Variants in FAM20A observed in about 807,000 individuals in gnomAD.
The protein encoded by FAM20A is pseudokinase FAM20A.
FAM20A carries 42 observed loss-of-function variants against 52.0 expected under a neutral mutation model. That is an observed-to-expected ratio of 0.81 (90% CI 0.63 to 1.04). FAM20A has a LOEUF of 1.04. Ranked by LOEUF, FAM20A falls within the 50% of genes least tolerant of loss-of-function variation. The pLI is 0.00. For synonymous variants in FAM20A, 304 were observed against 298.9 expected, an observed-to-expected ratio of 1.02 and a Z score of -0.18; for missense variants, 742 against 712.7, an observed-to-expected ratio of 1.04 and a Z score of -0.47.
intron 1 of FAM20A, among the ~76,000 whole-genome samples, chr17:68,563,240 G>A (rs1428716410): frequency 1.3e-5 from 2 of 152,052 alleles, no homozygotes; most frequent in Admixed American, 1.3e-4. Context: ...ACAAAAATTA[G>A]CCGGGTGTGG....
intron 1 of FAM20A, among the ~76,000 whole-genome samples, chr17:68,581,452 TC>T (rs2087985715): frequency 4.4e-5 from 3 of 68,476 alleles, no homozygotes; most frequent in African/African-American, 2.1e-4. Context: ...TTTTTTCTTT[TC>T]TTTCTTTCCT....
intron 1 of FAM20A, chr17:68,558,421 G>T (rs182821135): frequency 4.1e-5 from 16 of 394,640 alleles, no homozygotes. Flanking sequence ...GGAGGTAATT[G>T]TAACATAGGG....
intron 1 of FAM20A, among the ~76,000 whole-genome samples, chr17:68,572,648 A>G (rs1367835420): frequency 2.6e-5 from 4 of 152,194 alleles, no homozygotes; most frequent in African/African-American, 9.7e-5. Flanking sequence ...CCCAAAATGC[A>G]TCTTCAGCAG....
intron 1 of FAM20A, among the ~76,000 whole-genome samples, chr17:68,594,073 GTTA>G (rs1382850884): frequency 6.6e-6 from 1 of 152,122 alleles, no homozygotes; most frequent in East Asian, 1.9e-4. Flanking sequence ...CTTTGGGCAG[GTTA>G]TATAACTTTC....
intron 1 of FAM20A, among the ~76,000 whole-genome samples, chr17:68,592,720 A>G (rs148000999): frequency 1.3e-5 from 2 of 152,256 alleles, no homozygotes; most frequent in South Asian, 2.1e-4. Context: ...CTGTGCCAAC[A>G]CTTCTTAAAT....
chr17:68,569,782 C>T (rs961733859), intron 1 of FAM20A, among the ~76,000 whole-genome samples: 1 of 152,216 alleles, frequency 6.6e-6, no homozygotes, highest in Non-Finnish European at 1.5e-5. Context: ...GTGCTTGGAA[C>T]AGCCATATCC....
chr17:68,600,378 C>T lies in FAM20A; in HGVS notation c.289G>A (p.Ala97Thr), dbSNP rs1376602677. The T allele has an allele frequency of 6.2e-7, 1 of 1,606,328 alleles. No homozygotes were observed. The highest frequency in any genetic ancestry group is 8.5e-7 in the Non-Finnish European group (1 of 1,177,390). ...TCCGGGACGTTGTACAGCGGGTGGG[C>T]GAAGAGGGCCTGCAACTTGGAGCTC... is the stretch of plus-strand genomic sequence containing the variant. ...GSSSKLQALF[A>T]HPLYNVPEEP... The change falls in exon 1 of 11, where the codon GCC (alanine) becomes ACC (threonine). Residue 97 changes from alanine to threonine, a missense_variant. Transcript: ENST00000592554. This position sits in a 1 kb window ranked among gnomAD's most constrained non-coding sequence, Gnocchi z 6.2.
chr17:68,600,446 GT>G lies in FAM20A; in HGVS notation c.220del (p.Thr74ProfsTer71). On this transcript the variant is annotated frameshift_variant, in exon 1 of 11. Coordinates refer to ENST00000592554, the MANE Select transcript of FAM20A (RefSeq NM_017565.4). LOFTEE classifies it high-confidence loss of function. The surrounding 1 kb of genome is among the most constrained non-coding windows in gnomAD (Gnocchi z 6.2). ...PGTIVHNFSR[T>X]EPRTEPAGGS... ...GCCAGCCGGTTCAGTCCGGGGCTCG[GT>G]TCGGGAAAAGTTGTGCACGATCGTG... is the stretch of plus-strand genomic sequence containing the variant. 1 of 1,611,204 alleles carries G rather than the reference GT, an allele frequency of 6.2e-7. No individual in the cohort carries two copies. The highest frequency in any genetic ancestry group is 8.5e-7 in the Non-Finnish European group (1 of 1,178,966).
intron 6 of FAM20A, among the ~76,000 whole-genome samples, 175 bp downstream of exon 6, chr17:68,542,519 T>A (rs1412369584): frequency 1.3e-5 from 2 of 152,074 alleles, no homozygotes; most frequent in Non-Finnish European, 2.9e-5. Flanking sequence ...CCCATCCAGT[T>A]CATCTTGTGT....
Position 68,578,429 on chromosome 17 carries a change from G to C in FAM20A, c.404+21834C>G, listed in dbSNP as rs79665383. Among the ~76,000 whole-genome samples, 1,412 of 152,278 alleles carry C rather than the reference G, an allele frequency of 9.3e-3. 103 individuals are homozygous for C. The South Asian group carries it at 0.15, about 16-fold the overall frequency. ...CTGTGAGCTAGTGCTAATTTGCGTG[G>C]TATTATTTTTCCACCTGATTTGCAA... is the stretch of plus-strand genomic sequence containing the variant. On this transcript the variant is annotated intron_variant, in intron 1 of 10. Coordinates refer to ENST00000592554, the MANE Select transcript of FAM20A (RefSeq NM_017565.4).
chr17:68,581,354 C>CTT (rs1478637489), intron 1 of FAM20A, among the ~76,000 whole-genome samples: 1 of 85,440 alleles, frequency 1.2e-5, no homozygotes. Context: ...TGCAGTTTTT[C>CTT]TTTCTTTCTT....
At chr17:68,583,825 C>T (rs2088086526) in intron 1 of FAM20A, among the ~76,000 whole-genome samples, 1 of 150,282 alleles carries the variant, frequency 6.7e-6, no homozygotes. Context: ...ATGGCGTGAA[C>T]CAGGAGGTGG....
rs2086068920 is a variant in FAM20A at position 68,535,298 on chromosome 17, C to G, written c.*2179G>C. ...TAAGTGAATAATAAGGTAGGTGTAC[C>G]ACATATCATGGTGAAATTCAAGCCT... On this transcript the variant is annotated 3_prime_UTR_variant, in exon 11 of 11. Coordinates refer to ENST00000592554, the MANE Select transcript of FAM20A (RefSeq NM_017565.4). 1 of 453,968 alleles carries G rather than the reference C, an allele frequency of 2.2e-6. No individual in the cohort carries two copies. Among genetic ancestry groups the G allele is most frequent in the South Asian group, 1.6e-5 (1 of 64,478 alleles). 28.1% of individuals were successfully genotyped at this position (453,968 alleles called of 1,614,324 possible). A position where few individuals can be genotyped will look rare whatever the true frequency, so the allele number is the denominator to read the frequency against.
intron 1 of FAM20A, among the ~76,000 whole-genome samples, chr17:68,598,484 A>T (rs1309877028): frequency 1.3e-5 from 2 of 152,156 alleles, no homozygotes. Flanking sequence ...TACTTGGGAA[A>T]ATGTCACATT....
intron 1 of FAM20A, among the ~76,000 whole-genome samples, chr17:68,585,660 G>A (rs1238910563): frequency 2.0e-5 from 3 of 152,172 alleles, no homozygotes; most frequent in African/African-American, 7.2e-5. Flanking sequence ...ATGGAGGGCT[G>A]CCCAAAGAAT....
Position 68,600,474 on chromosome 17 carries a change from C to G in FAM20A, c.193G>C (p.Gly65Arg). Residue 65 changes from glycine (G) to arginine (R), a missense_variant, in exon 1 of 11, where the codon GGC becomes CGC. Coordinates refer to ENST00000592554, the MANE Select transcript of FAM20A (RefSeq NM_017565.4). The surrounding 1 kb of genome is among the most constrained non-coding windows in gnomAD (Gnocchi z 6.2). ...RDSAAAASDP[G>R]TIVHNFSRTE... ...CGGGAAAAGTTGTGCACGATCGTGC[C>G]GGGGTCCGAGGCAGCTGCGGCCGAG... The G allele has an allele frequency of 1.2e-6, 2 of 1,605,776 alleles. No individual in the cohort carries two copies. Among genetic ancestry groups the G allele is most frequent in the South Asian group, 2.2e-5 (2 of 89,708 alleles).
At chr17:68,554,035 C>CAT (rs202214787) in intron 3 of FAM20A, among the ~76,000 whole-genome samples, 74,134 of 128,784 alleles carry the variant, frequency 0.58, 23,373 homozygotes, top group East Asian at 0.79. Flanking sequence ...TATATACACA[C>CAT]ATGCATATAT....
intron 1 of FAM20A, among the ~76,000 whole-genome samples, chr17:68,581,388 T>TTCTTTCTTTC (rs1156314006): frequency 1.4e-5 from 2 of 146,452 alleles, no homozygotes; most frequent in Admixed American, 6.9e-5. Context: ...CTTTCTTTCT[T>TTCTTTCTTTC]TCTTTCTTTC....
intron 1 of FAM20A, among the ~76,000 whole-genome samples, chr17:68,598,367 T>G (rs1007100796): frequency 2.0e-5 from 3 of 152,198 alleles, no homozygotes; most frequent in African/African-American, 4.8e-5. Flanking sequence ...ATGTTCATGT[T>G]AACATTTACT....
Sources: allele counts gnomAD v4.1 joint callset (sites outside exome capture counted in the v4.1 genomes callset), GRCh38; gene constraint gnomAD v4.1.1; non-coding constraint Gnocchi (gnomAD v3.1); transcripts MANE v1.5; gene names NCBI Gene and HGNC (gene_info 2026-07-23, HGNC 2026-07-21).